Variants in GPR137B observed in about 807,000 individuals in gnomAD.
The protein encoded by GPR137B is G protein-coupled receptor 137B, also known as integral membrane protein GPR137B.
Under a neutral mutation model 42.5 loss-of-function variants are expected in GPR137B, and 42 were observed. That is an observed-to-expected ratio of 0.99 (90% CI 0.77 to 1.28). The LOEUF (loss-of-function observed/expected upper bound fraction) is 1.28. Among genes scored for constraint, GPR137B ranks in the 50% most tolerant of loss-of-function variants. The pLI is 0.00. For missense variants in GPR137B, 487 were observed against 493.9 expected (o/e 0.99, Z 0.13); for synonymous variants, 218 against 209.7 (o/e 1.04, Z -0.34).
intron 1 of GPR137B, among the ~76,000 whole-genome samples, chr1:236,164,327 C>G (rs1662284110): frequency 6.6e-6 from 1 of 152,200 alleles, no homozygotes; most frequent in African/African-American, 2.4e-5. Context: ...AGGGGTCACA[C>G]CTCCCTCTTT....
At chr1:236,164,738 TATAG>T (rs2102900760) in intron 1 of GPR137B, among the ~76,000 whole-genome samples, 1 of 152,312 alleles carries the variant, frequency 6.6e-6, no homozygotes, top group South Asian at 2.1e-4. Context: ...TAATAAGTTA[TATAG>T]ATAATGTAAG....
intron 1 of GPR137B, among the ~76,000 whole-genome samples, chr1:236,151,446 A>G (rs1661861219): frequency 8.2e-6 from 1 of 122,404 alleles, no homozygotes; most frequent in South Asian, 2.7e-4. Context: ...TTTTTTTGAG[A>G]CAGAGTCTTG....
rs1300259729 is a variant in GPR137B at position 236,202,585 on chromosome 1, TCCTA to T, written c.967-2540_967-2537del. Among the ~76,000 whole-genome samples the T allele has an allele frequency of 7.8e-4, 119 of 152,114 alleles. 1 individual carries two copies. The highest frequency in any genetic ancestry group is 2.7e-3 in the African/African-American group (112 of 41,386). ...GTGGGAGCTGCATGTAAGCCCTATC[TCCTA>T]TCCACCATCTTCCCCTCAAAGTATT... On this transcript the variant is annotated intron_variant, in intron 5 of 6. Transcript: ENST00000366592.
intron 5 of GPR137B, 125 bp downstream of exon 5, chr1:236,184,031 T>A: frequency 3.3e-6 from 2 of 610,470 alleles, no homozygotes; most frequent in Non-Finnish European, 5.6e-6. Context: ...ATGAAAAGTT[T>A]CCTTGACTAT....
At chr1:236,176,979 C>T (rs924214121) in intron 2 of GPR137B, among the ~76,000 whole-genome samples, 3 of 151,988 alleles carry the variant, frequency 2.0e-5, no homozygotes, top group Non-Finnish European at 4.4e-5. Context: ...TGCCTGTGTA[C>T]CCATGGTGTG....
Position 236,168,670 on chromosome 1 carries a change from T to C in GPR137B, c.415-36T>C, listed in dbSNP as rs767685507. ...TATCAGTCTGGTTCTGTCAACATATTGGACCCCAACCTGCCATGCTTTTCT... is the reference window on the plus strand; with the variant it reads ...TATCAGTCTGGTTCTGTCAACATATCGGACCCCAACCTGCCATGCTTTTCT... On this transcript the variant is annotated intron_variant, in intron 1 of 6. Coordinates refer to ENST00000366592, the MANE Select transcript of GPR137B (RefSeq NM_003272.4). The C allele has an allele frequency of 1.6e-5, 25 of 1,569,422 alleles. No individual in the cohort carries two copies. The East Asian group carries it at 4.5e-4, about 28-fold the overall frequency.
At chr1:236,161,579 A>G (rs1468981331) in intron 1 of GPR137B, among the ~76,000 whole-genome samples, 2 of 151,768 alleles carry the variant, frequency 1.3e-5, no homozygotes, top group Non-Finnish European at 2.9e-5. Context: ...CTGCATCCCC[A>G]TGCAAATCTC....
At chr1:236,179,774 T>G in intron 3 of GPR137B, 105 bp from the exon 4 acceptor site, 21 of 751,892 alleles carry the variant, frequency 2.8e-5, no homozygotes, top group Non-Finnish European at 4.3e-5. Flanking sequence ...CACAGTGCTC[T>G]GAGATCCCAA....
rs188168623 is a variant in GPR137B at position 236,178,407 on chromosome 1, C to T, written c.465-7C>T. The T allele has an allele frequency of 1.6e-5, 26 of 1,590,042 alleles. No homozygotes were observed. In the East Asian group the frequency reaches 2.0e-4, roughly 12 times the overall value. ...TGCAGCTGACAAGTTGCTCTCATGC[C>T]TTCCAGGTTGCCCCTCTACCTGGCC... On this transcript the variant is annotated splice_region_variant and splice_polypyrimidine_tract_variant and intron_variant, in intron 2 of 6. Coordinates refer to ENST00000366592, the MANE Select transcript of GPR137B (RefSeq NM_003272.4).
At chr1:236,207,045 A>G in intron 6 of GPR137B, 1 of 561,868 alleles carries the variant, frequency 1.8e-6, no homozygotes, top group Non-Finnish European at 2.3e-6. Context: ...GATAAAAAAT[A>G]TATGCTTGCC....
At chr1:236,180,537 G>A (rs1662839866) in intron 4 of GPR137B, among the ~76,000 whole-genome samples, 2 of 152,046 alleles carry the variant, frequency 1.3e-5, no homozygotes, top group Non-Finnish European at 1.5e-5. Flanking sequence ...AGAAAACCAG[G>A]AGATTACATA....
intron 5 of GPR137B, among the ~76,000 whole-genome samples, chr1:236,192,543 T>A (rs1396486907): frequency 6.6e-6 from 1 of 151,850 alleles, no homozygotes; most frequent in African/African-American, 2.4e-5. Flanking sequence ...TGGGCCGGAG[T>A]GCACAGTTCC....
chr1:236,166,484 T>TTATATATATACATATATATATTTA lies in GPR137B; in HGVS notation c.415-2214_415-2213insTACATATATATATTTATATATATA, dbSNP rs373361122. 2.3e-3 allele frequency among the ~76,000 whole-genome samples: 326 copies of TTATATATATACATATATATATTTA among 139,506 alleles called. 9 individuals are homozygous for TTATATATATACATATATATATTTA. Among genetic ancestry groups the TTATATATATACATATATATATTTA allele is most frequent in the African/African-American group, 8.4e-3 (291 of 34,598 alleles). 91.5% of individuals were successfully genotyped at this position (139,506 alleles called of 152,430 possible). A position where few individuals can be genotyped will look rare whatever the true frequency, so the allele number is the denominator to read the frequency against. The stretch of plus-strand genomic sequence containing the variant: ...TATTAAATATATACATTATATATAT[T>TTATATATATACATATATATATTTA]TATATATACATATATATATTTATAT... On this transcript the variant is annotated intron_variant, in intron 1 of 6. Coordinates refer to ENST00000366592, the MANE Select transcript of GPR137B (RefSeq NM_003272.4).
intron 6 of GPR137B, among the ~76,000 whole-genome samples, chr1:236,206,393 G>A (rs1218923122): frequency 6.6e-6 from 1 of 152,124 alleles, no homozygotes; most frequent in Non-Finnish European, 1.5e-5. Flanking sequence ...TTGTATATAA[G>A]TACCCTGTCT....
intron 1 of GPR137B, among the ~76,000 whole-genome samples, chr1:236,167,772 C>T (rs1430802085): frequency 1.3e-5 from 2 of 152,144 alleles, no homozygotes; most frequent in African/African-American, 2.4e-5. Context: ...GAGCCTGAGC[C>T]CCTGCTTGAA....
rs1022892491 is a variant in GPR137B at position 236,205,338 on chromosome 1, C to T, written c.1091+88C>T. The T allele has an allele frequency of 2.5e-5, 29 of 1,160,328 alleles. No homozygotes were observed. In the Middle Eastern group the frequency reaches 1.0e-3, roughly 41 times the overall value. The allele number at this position is 1,160,328 out of a possible 1,614,324, so 71.9% of individuals were successfully genotyped here. A position where few individuals can be genotyped will look rare whatever the true frequency, so the allele number is the denominator to read the frequency against. ...GATTCAAGCTAAAAGAAAATTCCTACGTTAAAACTGTGCAGCCTTAGGTGG... is the reference window on the plus strand; with the variant it reads ...GATTCAAGCTAAAAGAAAATTCCTATGTTAAAACTGTGCAGCCTTAGGTGG... On this transcript the variant is annotated intron_variant, in intron 6 of 6. Coordinates refer to ENST00000366592, the MANE Select transcript of GPR137B (RefSeq NM_003272.4).
At chr1:236,159,328 A>G (rs1662119646) in intron 1 of GPR137B, among the ~76,000 whole-genome samples, 1 of 152,142 alleles carries the variant, frequency 6.6e-6, no homozygotes, top group Non-Finnish European at 1.5e-5. Context: ...ACAAACAAAC[A>G]AACAGAAAGA....
At chr1:236,207,182 T>TG (rs1355583112) in intron 6 of GPR137B, 7 of 984,988 alleles carry the variant, frequency 7.1e-6, no homozygotes, top group Non-Finnish European at 7.2e-6. Flanking sequence ...TTCTCAGTGA[T>TG]CGGGGAGCAG....
At chr1:236,207,411 A>G (rs961148977) in intron 6 of GPR137B, 3 of 305,716 alleles carry the variant, frequency 9.8e-6, no homozygotes, top group African/African-American at 6.8e-5. Flanking sequence ...TGCATCTCCT[A>G]TTAGTTGCTT....
Sources: gnomAD v4.1 joint callset for allele counts (sites outside exome capture counted in the v4.1 genomes callset) on GRCh38, gnomAD v4.1.1 for gene constraint, MANE v1.5 for transcripts, NCBI Gene and HGNC (gene_info 2026-07-23, HGNC 2026-07-21) for gene names.